Variants in LANCL2 observed in about 807,000 individuals in gnomAD.
LANCL2 encodes LanC like glutathione S-transferase 2.
Under a neutral mutation model 56.9 loss-of-function variants are expected in LANCL2, and 33 were observed. The ratio of observed to expected loss-of-function variants is 0.58; its 90% CI spans 0.44 to 0.78. LANCL2 has a LOEUF of 0.78. LANCL2 is among the 30% of genes least tolerant of loss of function. LANCL2 has a pLI of 0.00. For missense variants in LANCL2, 562 were observed against 580.2 expected (o/e 0.97, Z 0.32); for synonymous variants, 233 against 228.2 (o/e 1.02, Z -0.19).
chr7:55,371,837 C>T (rs1422270330), intron 1 of LANCL2, among the ~76,000 whole-genome samples: 1 of 152,092 alleles, frequency 6.6e-6, no homozygotes, highest in Non-Finnish European at 1.5e-5. Flanking sequence ...ATCATGGAAG[C>T]ATAAGGAAAT....
chr7:55,371,147 A>AT (rs932268730), intron 1 of LANCL2, among the ~76,000 whole-genome samples: 62 of 152,218 alleles, frequency 4.1e-4, no homozygotes, highest in African/African-American at 1.4e-3. Flanking sequence ...CATATCTTCC[A>AT]TTTTGTATCC....
Position 55,431,406 on chromosome 7 carries a change from C to A in LANCL2, c.*86C>A. 1 of 916,322 alleles carries A rather than the reference C, an allele frequency of 1.1e-6. No individual in the cohort carries two copies. Among genetic ancestry groups the A allele is most frequent in the Non-Finnish European group, 1.7e-6 (1 of 593,778 alleles). The allele number at this position is 916,322 out of a possible 1,614,324, so 56.8% of individuals were successfully genotyped here. On this transcript the variant is annotated 3_prime_UTR_variant, in exon 9 of 9. Transcript: ENST00000254770. ...CCTGACACAGAAACAACTGGGAATCCTGAAAGAGAAGCAGACACCGTCACA... is the reference window on the plus strand; with the variant it reads ...CCTGACACAGAAACAACTGGGAATCATGAAAGAGAAGCAGACACCGTCACA...
chr7:55,411,850 T>C (rs544850283), intron 5 of LANCL2, 57 bp from the exon 6 acceptor site: 592 of 1,501,832 alleles, frequency 3.9e-4, no homozygotes, highest in Non-Finnish European at 5.2e-4. Flanking sequence ...CATGATACAA[T>C]GTAAAAGAAA....
intron 2 of LANCL2, among the ~76,000 whole-genome samples, chr7:55,392,371 C>CTAGA: frequency 7.0e-6 from 1 of 143,790 alleles, no homozygotes; most frequent in East Asian, 2.0e-4. Flanking sequence ...GTTGCCTGGG[C>CTAGA]TAGAGTACAG....
chr7:55,417,153 G>T (rs1790552835), intron 6 of LANCL2, among the ~76,000 whole-genome samples: 1 of 151,740 alleles, frequency 6.6e-6, no homozygotes, highest in African/African-American at 2.4e-5. Flanking sequence ...CTAATTTTTT[G>T]TATTTTTAGT....
chr7:55,428,500 C>CT, intron 8 of LANCL2, 53 bp downstream of exon 8: 1 of 1,452,646 alleles, frequency 6.9e-7, no homozygotes, highest in Non-Finnish European at 9.7e-7. Context: ...ATTGGTTCTC[C>CT]TGCCCTTGTG....
chr7:55,370,682 T>C (rs920658982), intron 1 of LANCL2, among the ~76,000 whole-genome samples: 4 of 152,230 alleles, frequency 2.6e-5, no homozygotes, highest in Non-Finnish European at 5.9e-5. Context: ...AATGATACTT[T>C]CATGGTCCTT....
At chr7:55,402,458 GC>G (rs1790346741) in intron 5 of LANCL2, among the ~76,000 whole-genome samples, 1 of 142,442 alleles carries the variant, frequency 7.0e-6, no homozygotes, top group Non-Finnish European at 1.6e-5. Context: ...GGACGGGGCG[GC>G]TGGCCGGGCA....
chr7:55,407,426 A>C (rs761927025), intron 5 of LANCL2, among the ~76,000 whole-genome samples: 1 of 152,212 alleles, frequency 6.6e-6, no homozygotes, highest in Non-Finnish European at 1.5e-5. Context: ...TCATAAGTAC[A>C]GGTATTTGAA....
At chr7:55,411,879 T>C in intron 5 of LANCL2, 28 bp from the exon 6 acceptor site, 1 of 1,587,546 alleles carries the variant, frequency 6.3e-7, no homozygotes, top group Non-Finnish European at 8.6e-7. Context: ...GAGAAAATAA[T>C]TTGTGTTTCA....
rs1790736218 is a variant in LANCL2 at position 55,432,079 on chromosome 7, C to T, written c.*759C>T. On this transcript the variant is annotated 3_prime_UTR_variant, in exon 9 of 9. Transcript: ENST00000254770. ...TTTCCCAAGAAGCCTTTGATGGCCA[C>T]ACTGTAGGCAGCAGTGACTAAGCAC... 2.0e-5 allele frequency: 3 copies of T among 152,338 alleles called. No individual in the cohort carries two copies. The highest frequency in any genetic ancestry group is 6.5e-5 in the Admixed American group (1 of 15,308). The allele number at this position is 152,338 out of a possible 1,614,324, so 9.4% of individuals were successfully genotyped here.
intron 1 of LANCL2, among the ~76,000 whole-genome samples, chr7:55,389,886 G>C (rs1432916801): frequency 2.6e-5 from 4 of 152,212 alleles, no homozygotes; most frequent in Admixed American, 6.5e-5. Flanking sequence ...GTATGGAAAA[G>C]ATGAGCCCAT....
At chr7:55,422,644 A>T (rs1790621081) in intron 6 of LANCL2, among the ~76,000 whole-genome samples, 1 of 151,934 alleles carries the variant, frequency 6.6e-6, no homozygotes, top group East Asian at 1.9e-4. Context: ...GATGATTGCT[A>T]TTTCCCTGGT....
chr7:55,367,016 C>T (rs1368345652), intron 1 of LANCL2, among the ~76,000 whole-genome samples: 1 of 152,030 alleles, frequency 6.6e-6, no homozygotes, highest in Non-Finnish European at 1.5e-5. Flanking sequence ...CCATGTTTTA[C>T]AGGAGTTTTC....
intron 8 of LANCL2, among the ~76,000 whole-genome samples, chr7:55,429,777 G>A (rs1334403656): frequency 6.6e-6 from 1 of 152,234 alleles, no homozygotes; most frequent in Non-Finnish European, 1.5e-5. Context: ...AGCCCCAGTG[G>A]GTCAAAAGCT....
At chr7:55,430,511 G>A (rs865901632) in intron 8 of LANCL2, among the ~76,000 whole-genome samples, 3 of 152,194 alleles carry the variant, frequency 2.0e-5, no homozygotes, top group Non-Finnish European at 2.9e-5. Flanking sequence ...GAACTTCCTG[G>A]GGTGATGGAA....
chr7:55,379,982 T>C (rs770513701), intron 1 of LANCL2: 1 of 152,242 alleles, frequency 6.6e-6, no homozygotes, highest in Non-Finnish European at 1.5e-5. Context: ...GAAGCTCTCC[T>C]TGGCCTTAGA....
chr7:55,398,351 T>A (rs1171372849), intron 2 of LANCL2, 72 bp from the exon 3 acceptor site: 5 of 1,108,916 alleles, frequency 4.5e-6, no homozygotes. Flanking sequence ...TTTCATGTAA[T>A]TATAAATAAT....
At chr7:55,397,656 CTTTTTTTT>C (rs10659615) in intron 2 of LANCL2, among the ~76,000 whole-genome samples, 1 of 108,852 alleles carries the variant, frequency 9.2e-6, no homozygotes, top group East Asian at 2.6e-4. Context: ...TATACTGATT[CTTTTTTTT>C]TTTTTTTTTT....
Sources: gnomAD v4.1 joint callset for allele counts (sites outside exome capture counted in the v4.1 genomes callset) on GRCh38, gnomAD v4.1.1 for gene constraint, MANE v1.5 for transcripts, NCBI Gene and HGNC (gene_info 2026-07-23, HGNC 2026-07-21) for gene names.